Variants in KIF20B observed in about 807,000 individuals in gnomAD.
KIF20B encodes the protein kinesin-like protein KIF20B.
Under a neutral mutation model 232.5 loss-of-function variants are expected in KIF20B, and 188 were observed. The ratio of observed to expected loss-of-function variants is 0.81; its 90% CI spans 0.72 to 0.91. KIF20B has a LOEUF of 0.91. Ranked by LOEUF, KIF20B falls within the 40% of genes least tolerant of loss-of-function variation. KIF20B has a pLI of 0.00. For synonymous variants in KIF20B, 712 were observed against 683.0 expected (o/e 1.04, Z -0.66); for missense variants, 2,154 against 2,055.9 (o/e 1.05, Z -0.92).
intron 13 of KIF20B, among the ~76,000 whole-genome samples, chr10:89,722,623 C>T (rs558682423): frequency 4.2e-4 from 64 of 152,124 alleles, no homozygotes; most frequent in African/African-American, 1.4e-3. Context: ...GAGCCGAGAT[C>T]GAGCCACTGC....
chr10:89,703,755 CTT>C (rs68124594), intron 1 of KIF20B, among the ~76,000 whole-genome samples: 103,275 of 137,298 alleles, frequency 0.75, 38,802 homozygotes, highest in South Asian at 0.92. Flanking sequence ...AGGCTTTTCC[CTT>C]TTTTTTTTTT....
In KIF20B at chr10:89,758,960, A is replaced by G. The variant is rs889162831; in HGVS notation, c.4680+78A>G. On this transcript the variant is annotated intron_variant, in intron 27 of 32. Coordinates refer to ENST00000371728, the MANE Select transcript of KIF20B (RefSeq NM_001284259.2). ...TTGACTAACTCTTAAAGAATAAAAA[A>G]GTGTAAGTCTCAATAGACCAAAAAG... The G allele has an allele frequency of 6.4e-6, 6 of 936,400 alleles. No homozygotes were observed. In the African/African-American group the frequency reaches 8.6e-5, roughly 13 times the overall value. 58.0% of individuals were successfully genotyped at this position (936,400 alleles called of 1,614,324 possible).
At position 89,762,775 on chromosome 10, in the gene KIF20B, C is replaced by G. The variant is rs921303775; in HGVS notation, c.4929C>G (p.Thr1643=). The G allele has an allele frequency of 6.2e-7, 1 of 1,613,080 alleles. No homozygotes were observed. Among genetic ancestry groups the G allele is most frequent in the African/African-American group, 1.3e-5 (1 of 74,842 alleles). The part of the protein sequence containing the change: ...NKMAVKHPGC[T]TPVTVKIPKA... ...TGGCAGTGAAACACCCTGGTTGTAC[C>G]ACACCAGTGACAGTTAAGATTCCCA... Residue 1643 remains threonine (T), a synonymous_variant, in exon 29 of 33, where the codon ACC becomes ACG. Transcript: ENST00000371728.
rs1025054699 is a variant in KIF20B, at chr10:89,746,273, C to T, written c.4096+314C>T. 3.3e-5 allele frequency among the ~76,000 whole-genome samples: 5 copies of T among 152,310 alleles called. No individual in the cohort carries two copies. The East Asian group carries it at 7.7e-4, about 24-fold the overall frequency. The stretch of plus-strand genomic sequence containing the variant: ...TGCAAGGACAGAGGGCTTTCTGTAT[C>T]CCGGGATTCTTGCTCTAGTGTACTG... On this transcript the variant is annotated intron_variant, in intron 23 of 32. Coordinates refer to ENST00000371728, the MANE Select transcript of KIF20B (RefSeq NM_001284259.2).
chr10:89,772,071 C>A (rs887354150), intron 31 of KIF20B, among the ~76,000 whole-genome samples: 1 of 151,666 alleles, frequency 6.6e-6, no homozygotes, highest in Non-Finnish European at 1.5e-5. Context: ...TATTTGATAT[C>A]ACATGTGTGT....
At chr10:89,733,119 A>G (rs1459561083) in intron 19 of KIF20B, 63 bp downstream of exon 19, 1 of 1,541,048 alleles carries the variant, frequency 6.5e-7, no homozygotes, top group Middle Eastern at 1.7e-4. Context: ...AGTAAATAGA[A>G]CAAGGCAAAC....
chr10:89,740,705 A>G (rs565036670), intron 21 of KIF20B, among the ~76,000 whole-genome samples: 19 of 152,224 alleles, frequency 1.2e-4, no homozygotes, highest in Middle Eastern at 3.4e-3. Flanking sequence ...CTGTCACCCA[A>G]TCTGGAGTGC....
chr10:89,767,854 G>A (rs915665558), intron 29 of KIF20B, among the ~76,000 whole-genome samples: 1 of 151,578 alleles, frequency 6.6e-6, no homozygotes. Flanking sequence ...TAGGTATATT[G>A]TATGCTGTAT....
chr10:89,757,040 G>GTATGTATATATATATA (rs1554852904), intron 26 of KIF20B, among the ~76,000 whole-genome samples: 55 of 110,750 alleles, frequency 5.0e-4, no homozygotes, highest in Admixed American at 1.7e-3. Flanking sequence ...GTGTGTGTGT[G>GTATGTATATATATATA]TATATATATA....
At position 89,725,042 on chromosome 10, in the gene KIF20B, G is replaced by A. The variant is rs779990837; in HGVS notation, c.1885G>A (p.Glu629Lys). 7 of 1,613,706 alleles carry A rather than the reference G, an allele frequency of 4.3e-6. No homozygotes were observed. In the South Asian group the frequency reaches 7.7e-5, roughly 18 times the overall value. ...AAGGGAGACTCTGCTTCAAGAACGA[G>A]AGATATTAGAAGAAAATGCTGAACG... ...DFKETLLQER[E>K]ILEENAERRL... The change falls in exon 15 of 33, where the codon GAG becomes AAG. Residue 629 changes from glutamate to lysine, a missense_variant. Transcript: ENST00000371728.
intron 23 of KIF20B, among the ~76,000 whole-genome samples, chr10:89,749,531 A>T (rs912219838): frequency 6.6e-6 from 1 of 152,108 alleles, no homozygotes; most frequent in African/African-American, 2.4e-5. Context: ...TGTCACTTCA[A>T]AAAGAAACCC....
rs369339246 is a variant in KIF20B at position 89,716,561 on chromosome 10, T to C, written c.1052+14T>C. The stretch of plus-strand genomic sequence containing the variant: ...TTCCAGTAGAAGGTAAAGAATAAAC[T>C]CTGTAAGAGTAAACTCGAATCACCG... On this transcript the variant is annotated intron_variant, in intron 9 of 32. Coordinates refer to ENST00000371728, the MANE Select transcript of KIF20B (RefSeq NM_001284259.2). The C allele has an allele frequency of 1.6e-6, 2 of 1,223,812 alleles. No homozygotes were observed. The highest frequency in any genetic ancestry group is 2.4e-6 in the Non-Finnish European group (2 of 843,530). 75.8% of individuals were successfully genotyped at this position (1,223,812 alleles called of 1,614,324 possible). A position where few individuals can be genotyped will look rare whatever the true frequency, so the allele number is the denominator to read the frequency against.
chr10:89,729,073 A>G lies in KIF20B; in HGVS notation c.2272-55A>G, dbSNP rs185411915. The G allele has an allele frequency of 1.1e-4, 134 of 1,257,394 alleles. No homozygotes were observed. In the African/African-American group the frequency reaches 2.0e-3, roughly 18 times the overall value. The allele number at this position is 1,257,394 out of a possible 1,614,324, so 77.9% of individuals were successfully genotyped here. ...TGTTTGCATTATTAATCATATTTGC[A>G]TTCTAGTTATCCTAAAGTATATTCA... On this transcript the variant is annotated intron_variant, in intron 17 of 32. Transcript: ENST00000371728.
chr10:89,768,456 A>T, intron 30 of KIF20B, 65 bp downstream of exon 30: 1 of 999,914 alleles, frequency 1.0e-6, no homozygotes, highest in East Asian at 2.4e-5. Context: ...TTCAATTATA[A>T]CTCATTTATC....
rs184192402 is a variant in KIF20B at position 89,705,880 on chromosome 10, A to G, written c.147+439A>G. On this transcript the variant is annotated intron_variant, in intron 2 of 32. Transcript: ENST00000371728. ...CAGTAGTTTTTCCCTTTTTATTGCTAAATAGTTGTCTGTTGTGCAGATATG... is the reference window on the plus strand; with the variant it reads ...CAGTAGTTTTTCCCTTTTTATTGCTGAATAGTTGTCTGTTGTGCAGATATG... Among the ~76,000 whole-genome samples, 3 of 152,244 alleles carry G rather than the reference A, an allele frequency of 2.0e-5. No homozygotes were observed. In the East Asian group the frequency reaches 5.8e-4, roughly 29 times the overall value.
At chr10:89,739,225 A>T in intron 21 of KIF20B, 129 bp downstream of exon 21, 1 of 1,003,412 alleles carries the variant, frequency 1.0e-6, no homozygotes, top group East Asian at 2.8e-5. Flanking sequence ...TAAAATTACA[A>T]GAACAGTTAC....
intron 2 of KIF20B, among the ~76,000 whole-genome samples, chr10:89,706,410 A>G (rs1245993606): frequency 6.6e-6 from 1 of 152,182 alleles, no homozygotes; most frequent in East Asian, 1.9e-4. Flanking sequence ...AAATTTAAAG[A>G]CATTCAATTT....
chr10:89,753,268 A>G (rs993187818), intron 25 of KIF20B, among the ~76,000 whole-genome samples: 3 of 152,138 alleles, frequency 2.0e-5, no homozygotes, highest in African/African-American at 7.2e-5. Flanking sequence ...GGCATTCATA[A>G]CAGAAGCTGT....
intron 13 of KIF20B, among the ~76,000 whole-genome samples, chr10:89,721,478 C>T (rs1843055157): frequency 6.6e-6 from 1 of 151,992 alleles, no homozygotes; most frequent in South Asian, 2.1e-4. Flanking sequence ...TCAAAACTAG[C>T]CTGGGCAACA....
Sources: gnomAD v4.1 joint callset for allele counts (sites outside exome capture counted in the v4.1 genomes callset) on GRCh38, gnomAD v4.1.1 for gene constraint, MANE v1.5 for transcripts, NCBI Gene and HGNC (gene_info 2026-07-23, HGNC 2026-07-21) for gene names.